TSPAN5: variants seen among roughly 807,000 people sequenced by gnomAD.
TSPAN5 encodes the protein tetraspanin 5, also known as tetraspanin-5.
TSPAN5 carries 10 observed loss-of-function variants against 37.1 expected under a neutral mutation model. The ratio of observed to expected loss-of-function variants is 0.27; its 90% CI spans 0.17 to 0.46. The LOEUF (loss-of-function observed/expected upper bound fraction) is 0.46, where lower values mean the gene tolerates loss of function less well. Ranked by LOEUF, TSPAN5 falls within the 20% of genes least tolerant of loss-of-function variation. The pLI is 1.00. For synonymous variants in TSPAN5, 110 were observed against 118.9 expected (o/e 0.93, Z 0.48); for missense variants, 195 against 326.6 (o/e 0.60, Z 3.11).
chr4:98,577,925 C>T (rs1175948797), intron 1 of TSPAN5, among the ~76,000 whole-genome samples: 1 of 152,188 alleles, frequency 6.6e-6, no homozygotes, highest in Non-Finnish European at 1.5e-5. Flanking sequence ...GTATTAGCTA[C>T]TTTTTAGAGA....
intron 1 of TSPAN5, among the ~76,000 whole-genome samples, chr4:98,516,226 A>G (rs1296643995): frequency 6.6e-6 from 1 of 152,200 alleles, no homozygotes; most frequent in Admixed American, 6.5e-5. Context: ...CTCTGGACAG[A>G]TGAGTCACTA....
Position 98,614,205 on chromosome 4 carries a change from T to C in TSPAN5, c.81+43941A>G, listed in dbSNP as rs368110433. Among the ~76,000 whole-genome samples the C allele has an allele frequency of 4.9e-4, 75 of 151,976 alleles. 1 individual carries two copies. In the East Asian group the frequency reaches 0.01, roughly 20 times the overall value. ...GTTTATAAGTGTAGATGCAGAAAAC[T>C]GAAATGAACTGCCTAAAACTTTGGA... is the stretch of plus-strand genomic sequence containing the variant. On this transcript the variant is annotated intron_variant, in intron 1 of 7. Transcript: ENST00000305798.
chr4:98,494,774 G>A (rs1753162754), intron 2 of TSPAN5, among the ~76,000 whole-genome samples: 1 of 152,056 alleles, frequency 6.6e-6, no homozygotes, highest in South Asian at 2.1e-4. Context: ...CTGGGTACTT[G>A]CCCTGCCTGA....
chr4:98,548,889 GT>G (rs35420182), intron 1 of TSPAN5, among the ~76,000 whole-genome samples: 80,788 of 146,740 alleles, frequency 0.55, 21,930 homozygotes, highest in South Asian at 0.73. Context: ...ATTCCAAGGT[GT>G]GTGTGTGTGT....
chr4:98,559,009 G>C (rs1449822779), intron 1 of TSPAN5, among the ~76,000 whole-genome samples: 1 of 152,204 alleles, frequency 6.6e-6, no homozygotes, highest in Non-Finnish European at 1.5e-5. Context: ...TCCCTTCAGA[G>C]TGGCAGAGCA....
intron 1 of TSPAN5, among the ~76,000 whole-genome samples, chr4:98,521,845 GT>G (rs70955934): frequency 6.6e-6 from 1 of 151,638 alleles, no homozygotes; most frequent in African/African-American, 2.4e-5. Context: ...TGTGGGTTCT[GT>G]TTTTTTTGTT....
chr4:98,565,885 C>T (rs1224191765), intron 1 of TSPAN5, among the ~76,000 whole-genome samples: 1 of 152,196 alleles, frequency 6.6e-6, no homozygotes, highest in Non-Finnish European at 1.5e-5. Flanking sequence ...ACAAACAACA[C>T]TTCTCTGTGA....
chr4:98,572,265 T>G (rs1309176749), intron 1 of TSPAN5, among the ~76,000 whole-genome samples: 1 of 152,102 alleles, frequency 6.6e-6, no homozygotes, highest in African/African-American at 2.4e-5. Flanking sequence ...GCCACCACAC[T>G]GGGGCAGAGG....
At chr4:98,527,362 A>G (rs540698962) in intron 1 of TSPAN5, among the ~76,000 whole-genome samples, 50 of 152,354 alleles carry the variant, frequency 3.3e-4, no homozygotes, top group South Asian at 1.9e-3. Flanking sequence ...TTGATCACTC[A>G]ATTTAGATAT....
chr4:98,548,906 TG>T (rs1754535775), intron 1 of TSPAN5, among the ~76,000 whole-genome samples: 1 of 152,072 alleles, frequency 6.6e-6, no homozygotes, highest in Non-Finnish European at 1.5e-5. Context: ...TGTGTGTGTG[TG>T]TGTGTGTGTG....
chr4:98,522,201 A>G (rs899265070), intron 1 of TSPAN5, among the ~76,000 whole-genome samples: 11 of 152,220 alleles, frequency 7.2e-5, no homozygotes, highest in African/African-American at 2.7e-4. Context: ...AATCCACTAC[A>G]GAAAACTATA....
At chr4:98,572,639 G>C (rs1283822417) in intron 1 of TSPAN5, among the ~76,000 whole-genome samples, 1 of 152,228 alleles carries the variant, frequency 6.6e-6, no homozygotes, top group Non-Finnish European at 1.5e-5. Context: ...ATGCTTAATG[G>C]GGGAACCCCT....
chr4:98,634,784 G>C (rs1424379481), intron 1 of TSPAN5, among the ~76,000 whole-genome samples: 1 of 150,904 alleles, frequency 6.6e-6, no homozygotes, highest in African/African-American at 2.4e-5. Context: ...ATGAAGACCA[G>C]AACAGAGTGG....
At chr4:98,484,526 C>CTT in intron 3 of TSPAN5, 1 of 456,250 alleles carries the variant, frequency 2.2e-6, no homozygotes, top group Non-Finnish European at 4.4e-6. Context: ...CAACATGAGA[C>CTT]TTTATAAATT....
At position 98,472,425 on chromosome 4, in the gene TSPAN5, G is replaced by A; in HGVS notation, c.*97C>T. On this transcript the variant is annotated 3_prime_UTR_variant, in exon 8 of 8. Transcript: ENST00000305798. The stretch of plus-strand genomic sequence containing the variant: ...TTAGGCGAGACTGCAGGCTGCATCT[G>A]TGATTAGGTCCATGCAGCTCGAAGA... The A allele has an allele frequency of 9.6e-7, 1 of 1,041,802 alleles. No homozygotes were observed. Among genetic ancestry groups the A allele is most frequent in the Non-Finnish European group, 1.4e-6 (1 of 691,114 alleles). The allele number at this position is 1,041,802 out of a possible 1,614,324, so 64.5% of individuals were successfully genotyped here.
chr4:98,474,294 T>G (rs78748091), intron 7 of TSPAN5, among the ~76,000 whole-genome samples: 168 of 152,354 alleles, frequency 1.1e-3, no homozygotes, highest in Non-Finnish European at 1.9e-3. Context: ...GACTGCTCTT[T>G]CCCTATTGAA....
At chr4:98,572,527 C>A (rs950913922) in intron 1 of TSPAN5, among the ~76,000 whole-genome samples, 2 of 152,226 alleles carry the variant, frequency 1.3e-5, no homozygotes, top group Admixed American at 6.5e-5. Flanking sequence ...AAAGTAAGAT[C>A]ATAAACACTA....
At position 98,477,944 on chromosome 4, in the gene TSPAN5, A is replaced by T. The variant is rs7664541; in HGVS notation, c.576+741T>A. On this transcript the variant is annotated intron_variant, in intron 5 of 7. Transcript: ENST00000305798. ...CAAAGTGCTGGGATTACAGGTGTGA[A>T]CTACTATGCCTGGCTTAAGAATTGC... Among the ~76,000 whole-genome samples the T allele has an allele frequency of 3.5e-3, 528 of 152,260 alleles. 2 individuals are homozygous for T. The highest frequency in any genetic ancestry group is 0.012 in the African/African-American group (492 of 41,550).
At chr4:98,547,863 G>A (rs966912959) in intron 1 of TSPAN5, among the ~76,000 whole-genome samples, 2 of 151,774 alleles carry the variant, frequency 1.3e-5, no homozygotes, top group African/African-American at 4.8e-5. Flanking sequence ...AAAATTCGCT[G>A]GCGTGGTGGT....
Sources: allele counts gnomAD v4.1 joint callset (sites outside exome capture counted in the v4.1 genomes callset), GRCh38; gene constraint gnomAD v4.1.1; transcripts MANE v1.5; gene names NCBI Gene and HGNC (gene_info 2026-07-23, HGNC 2026-07-21).